FAM114A1: variants seen among roughly 807,000 people sequenced by gnomAD.
FAM114A1 encodes the protein protein NOXP20.
In FAM114A1, 62 loss-of-function variants were observed where a neutral mutation model predicts 64.3. The ratio of observed to expected loss-of-function variants is 0.96; its 90% CI spans 0.79 to 1.19. FAM114A1 has a LOEUF of 1.19. FAM114A1 is among the 50% of genes most tolerant of loss of function. The probability of loss-of-function intolerance (pLI) is 0.00; values close to 1 mark genes in which losing one functional copy is unlikely to be tolerated. For synonymous variants in FAM114A1, 254 were observed against 251.1 expected (o/e 1.01, Z -0.11); for missense variants, 645 against 676.3 (o/e 0.95, Z 0.51).
rs369664977 is a variant in FAM114A1, at chr4:38,943,171, G to A, written c.1591-285G>A. Among the ~76,000 whole-genome samples, 156 of 140,380 alleles carry A rather than the reference G, an allele frequency of 1.1e-3. 1 individual carries two copies. The highest frequency in any genetic ancestry group is 4.0e-3 in the African/African-American group (149 of 37,162). The allele number at this position is 140,380 out of a possible 152,430, so 92.1% of individuals were successfully genotyped here. A position where few individuals can be genotyped will look rare whatever the true frequency, so the allele number is the denominator to read the frequency against. On this transcript the variant is annotated intron_variant, in intron 14 of 14. Coordinates refer to ENST00000358869, the MANE Select transcript of FAM114A1 (RefSeq NM_138389.4). ...TCGTGCCTCTGCACTCCAGCCTGAC[G>A]TCAGAGCAAGACTCTGTCTCAAAAA...
At chr4:38,921,409 C>A (rs1420391612) in intron 8 of FAM114A1, among the ~76,000 whole-genome samples, 1 of 151,958 alleles carries the variant, frequency 6.6e-6, no homozygotes, top group Admixed American at 6.6e-5. Context: ...AGGCGTGCAC[C>A]AGCATTCCTG....
chr4:38,885,893 T>A (rs1715750459), intron 3 of FAM114A1, among the ~76,000 whole-genome samples: 1 of 152,080 alleles, frequency 6.6e-6, no homozygotes, highest in African/African-American at 2.4e-5. Context: ...CATTCTAATG[T>A]AAATAACTGA....
intron 4 of FAM114A1, among the ~76,000 whole-genome samples, chr4:38,892,641 G>A (rs972889885): frequency 6.6e-6 from 1 of 152,154 alleles, no homozygotes; most frequent in African/African-American, 2.4e-5. Flanking sequence ...TTTAGCAAAG[G>A]CATTTCATCT....
At chr4:38,925,687 C>A (rs1206399954) in intron 9 of FAM114A1, among the ~76,000 whole-genome samples, 1 of 152,128 alleles carries the variant, frequency 6.6e-6, no homozygotes, top group African/African-American at 2.4e-5. Flanking sequence ...TATCACACTG[C>A]CATAGATCCC....
At chr4:38,924,939 C>T (rs1480275831) in intron 9 of FAM114A1, among the ~76,000 whole-genome samples, 1 of 152,168 alleles carries the variant, frequency 6.6e-6, no homozygotes, top group Non-Finnish European at 1.5e-5. Flanking sequence ...AGATTCCCCC[C>T]AACATCAAGG....
At chr4:38,905,712 A>T (rs1257429762) in intron 5 of FAM114A1, 43 bp from the exon 6 acceptor site, 3 of 1,609,328 alleles carry the variant, frequency 1.9e-6, no homozygotes, top group African/African-American at 1.3e-5. Flanking sequence ...CCAAGTTCAG[A>T]TCAGCGACGT....
At chr4:38,923,224 CTTTTTT>C (rs55688191) in intron 9 of FAM114A1, among the ~76,000 whole-genome samples, 1 of 131,738 alleles carries the variant, frequency 7.6e-6, no homozygotes, top group South Asian at 2.4e-4. Flanking sequence ...TATGCTGCCA[CTTTTTT>C]TTTTTTTTTT....
In FAM114A1 at chr4:38,943,451, C is replaced by T. The variant is rs751469521; in HGVS notation, c.1591-5C>T. The T allele has an allele frequency of 1.9e-6, 3 of 1,613,514 alleles. No individual in the cohort carries two copies. Among genetic ancestry groups the T allele is most frequent in the Non-Finnish European group, 2.5e-6 (3 of 1,179,650 alleles). On this transcript the variant is annotated splice_polypyrimidine_tract_variant and splice_region_variant and intron_variant, in intron 14 of 14. Coordinates refer to ENST00000358869, the MANE Select transcript of FAM114A1 (RefSeq NM_138389.4). ...CCCTTCAACCTCATTTTTCTCCTCT[C>T]ACAGGGCTGCAACAGTACAACGTAC...
chr4:38,911,530 T>C (rs908098142), intron 7 of FAM114A1, among the ~76,000 whole-genome samples: 2 of 152,186 alleles, frequency 1.3e-5, no homozygotes, highest in Non-Finnish European at 2.9e-5. Context: ...GAGATAATGG[T>C]GGCCCTGTGC....
intron 13 of FAM114A1, among the ~76,000 whole-genome samples, chr4:38,940,686 A>G (rs1457732309): frequency 1.3e-5 from 2 of 152,180 alleles, no homozygotes; most frequent in African/African-American, 4.8e-5. Flanking sequence ...ATTTCTAGCT[A>G]TGTGACCTTA....
At chr4:38,884,755 A>C (rs1715627878) in intron 3 of FAM114A1, among the ~76,000 whole-genome samples, 1 of 152,164 alleles carries the variant, frequency 6.6e-6, no homozygotes, top group Admixed American at 6.5e-5. Context: ...ACCATCTTGA[A>C]TGAAAGGTTT....
chr4:38,869,430 G>T (rs1481804449), intron 2 of FAM114A1, among the ~76,000 whole-genome samples: 1 of 152,224 alleles, frequency 6.6e-6, no homozygotes, highest in African/African-American at 2.4e-5. Context: ...ATGGGGAATG[G>T]AGAAAAGACT....
chr4:38,904,438 CTG>C (rs1486141579), intron 4 of FAM114A1, among the ~76,000 whole-genome samples: 7 of 152,230 alleles, frequency 4.6e-5, no homozygotes, highest in African/African-American at 1.7e-4. Flanking sequence ...AAGGTCAGCT[CTG>C]TATTTACCAA....
intron 12 of FAM114A1, among the ~76,000 whole-genome samples, chr4:38,934,349 T>C (rs1348669023): frequency 6.6e-6 from 1 of 152,190 alleles, no homozygotes; most frequent in African/African-American, 2.4e-5. Context: ...TGAATGGCTC[T>C]GGGATATCTC....
chr4:38,927,882 C>T (rs1720279192), intron 9 of FAM114A1, among the ~76,000 whole-genome samples: 1 of 152,114 alleles, frequency 6.6e-6, no homozygotes, highest in Non-Finnish European at 1.5e-5. Flanking sequence ...CGGGGTTTCA[C>T]CATCTTGGCC....
intron 8 of FAM114A1, among the ~76,000 whole-genome samples, chr4:38,920,241 A>G (rs974271842): frequency 2.0e-5 from 3 of 152,048 alleles, no homozygotes; most frequent in African/African-American, 7.2e-5. Context: ...AATCATTTTC[A>G]TCACCATTAT....
At chr4:38,882,437 C>G (rs1446453657) in intron 3 of FAM114A1, among the ~76,000 whole-genome samples, 1 of 151,976 alleles carries the variant, frequency 6.6e-6, no homozygotes, top group Admixed American at 6.6e-5. Flanking sequence ...CGAGACCAGC[C>G]TGACCAATAT....
intron 3 of FAM114A1, among the ~76,000 whole-genome samples, chr4:38,882,810 T>A (rs942172041): frequency 2.6e-5 from 4 of 152,208 alleles, no homozygotes; most frequent in African/African-American, 9.7e-5. Context: ...CCCCTTAAAA[T>A]CCACATCATT....
In FAM114A1 at chr4:38,908,633, C is replaced by A; in HGVS notation, c.699C>A (p.Phe233Leu). The A allele has an allele frequency of 6.2e-7, 1 of 1,613,404 alleles. No homozygotes were observed. The highest frequency in any genetic ancestry group is 1.1e-5 in the South Asian group (1 of 90,986). Residue 233 changes from phenylalanine (F) to leucine (L), a missense_variant, in exon 7 of 15, where the codon TTC becomes TTA. By Grantham distance (22) the Phe-to-Leu change is conservative. Transcript: ENST00000358869. ...CTGGAGGCCTTGATGCGTTGGAATTCATCGGCAAGAAAACCATGAATGTCC... is the reference window on the plus strand; with the variant it reads ...CTGGAGGCCTTGATGCGTTGGAATTAATCGGCAAGAAAACCATGAATGTCC... ...VLTGGLDALE[F>L]IGKKTMNVLA...
Sources: allele counts gnomAD v4.1 joint callset (sites outside exome capture counted in the v4.1 genomes callset), GRCh38; gene constraint gnomAD v4.1.1; transcripts MANE v1.5; gene names NCBI Gene and HGNC (gene_info 2026-07-23, HGNC 2026-07-21).